ANKS1B: variants seen among roughly 807,000 people sequenced by gnomAD.
ANKS1B encodes ankyrin repeat and sterile alpha motif domain-containing protein 1B.
In ANKS1B, 36 loss-of-function variants were observed where a neutral mutation model predicts 148.3. The observed-to-expected ratio is 0.24, with a 90% CI of 0.19 to 0.32. The LOEUF is 0.32. Among genes scored for constraint, ANKS1B ranks in the 10% least tolerant of loss-of-function variants. The probability of loss-of-function intolerance (pLI) is 1.00; values close to 1 mark genes in which losing one functional copy is unlikely to be tolerated. For missense variants in ANKS1B, 1,157 were observed against 1,542.6 expected (o/e 0.75, Z 4.19); for synonymous variants, 542 against 560.8 (o/e 0.97, Z 0.47).
intron 6 of ANKS1B, among the ~76,000 whole-genome samples, chr12:99,778,182 AGAGT>A (rs2063873942): frequency 6.6e-6 from 1 of 151,462 alleles, no homozygotes; most frequent in Non-Finnish European, 1.5e-5. Flanking sequence ...CCTGGGTGAC[AGAGT>A]GAGACTCCCT....
At chr12:99,392,946 A>C (rs1192541777) in intron 12 of ANKS1B, among the ~76,000 whole-genome samples, 1 of 151,786 alleles carries the variant, frequency 6.6e-6, no homozygotes, top group Non-Finnish European at 1.5e-5. Flanking sequence ...AGATTTCCCC[A>C]TCTCCACTAA....
Position 99,726,341 on chromosome 12 carries a change from G to C in ANKS1B, c.1128+46581C>G, listed in dbSNP as rs191119900. On this transcript the variant is annotated intron_variant, in intron 8 of 26. Coordinates refer to ENST00000683438, the MANE Select transcript of ANKS1B (RefSeq NM_001352186.2). ...CACAGAAATACAAACTACCATCAGA[G>C]AATACTATAAACACCTCTATGCAAA... Among the ~76,000 whole-genome samples the C allele has an allele frequency of 9.9e-5, 15 of 152,236 alleles. No homozygotes were observed. In the East Asian group the frequency reaches 2.9e-3, roughly 29 times the overall value.
chr12:99,102,374 C>CAGCTGG (rs1170413345), intron 15 of ANKS1B, among the ~76,000 whole-genome samples: 1 of 152,072 alleles, frequency 6.6e-6, no homozygotes, highest in Admixed American at 6.6e-5. Context: ...ATGTGCAGCA[C>CAGCTGG]AGCTGGAGAA....
At chr12:99,788,936 T>G (rs1159616572) in intron 4 of ANKS1B, among the ~76,000 whole-genome samples, 1 of 152,130 alleles carries the variant, frequency 6.6e-6, no homozygotes, top group Non-Finnish European at 1.5e-5. Flanking sequence ...GAGTGCCAAT[T>G]TAGCTGCAGT....
At chr12:98,783,488 TATGAACAACATGCCTCCAG>T (rs1416662680) in intron 22 of ANKS1B, among the ~76,000 whole-genome samples, 1 of 152,130 alleles carries the variant, frequency 6.6e-6, no homozygotes, top group Non-Finnish European at 1.5e-5. Flanking sequence ...ACAGGAGCAA[TATGAACAACATGCCTCCAG>T]GATAGTGAAT....
At chr12:98,752,625 C>G (rs953112623) in intron 25 of ANKS1B, among the ~76,000 whole-genome samples, 1 of 152,116 alleles carries the variant, frequency 6.6e-6, no homozygotes, top group Non-Finnish European at 1.5e-5. Context: ...TTGGTTTACA[C>G]ACTGATAGGG....
At chr12:98,784,765 C>CA (rs1029216570) in intron 22 of ANKS1B, among the ~76,000 whole-genome samples, 6 of 151,462 alleles carry the variant, frequency 4.0e-5, no homozygotes, top group African/African-American at 7.3e-5. Context: ...CCAAGTTGAA[C>CA]AAAAAAAAGA....
At position 98,829,810 on chromosome 12, in the gene ANKS1B, C is replaced by A. The variant is rs146024532; in HGVS notation, c.2887-457G>T. Among the ~76,000 whole-genome samples the A allele has an allele frequency of 6.6e-6, 1 of 152,312 alleles. No individual in the cohort carries two copies. Among genetic ancestry groups the A allele is most frequent in the African/African-American group, 2.4e-5 (1 of 41,558 alleles). On this transcript the variant is annotated intron_variant, in intron 18 of 26. Transcript: ENST00000683438. The surrounding 1 kb of genome is among the most constrained non-coding windows in gnomAD (Gnocchi z 5.2). ...GGGTTGGGAAGAGGACACAGTACGG[C>A]AACACAGCATGTCACACGCACAGAC... is the stretch of plus-strand genomic sequence containing the variant.
chr12:99,716,820 C>T (rs2057393455), intron 8 of ANKS1B, among the ~76,000 whole-genome samples: 1 of 152,086 alleles, frequency 6.6e-6, no homozygotes, highest in African/African-American at 2.4e-5. Context: ...TCCTTTTCTA[C>T]AGACCCATCT....
chr12:99,338,068 G>A (rs757951337), intron 12 of ANKS1B, among the ~76,000 whole-genome samples: 1 of 152,150 alleles, frequency 6.6e-6, no homozygotes, highest in Non-Finnish European at 1.5e-5. Context: ...GTGTTCTTAA[G>A]TCAGAAGGCG....
rs148924140 is a variant in ANKS1B at position 98,802,791 on chromosome 12, T to C, written c.3142-1666A>G. 4.5e-4 allele frequency among the ~76,000 whole-genome samples: 69 copies of C among 152,012 alleles called. 1 individual carries two copies. Among genetic ancestry groups the C allele is most frequent in the African/African-American group, 1.4e-3 (59 of 41,484 alleles). ...TCTCTCCTGCTCTGTTCTCAGCCAC[T>C]CTCCACATTAGTTTTGTTTTCGTTG... On this transcript the variant is annotated intron_variant, in intron 20 of 26. Coordinates refer to ENST00000683438, the MANE Select transcript of ANKS1B (RefSeq NM_001352186.2).
chr12:98,832,207 TG>T (rs2099323422), intron 17 of ANKS1B, 71 bp from the exon 18 acceptor site: 1 of 1,248,156 alleles, frequency 8.0e-7, no homozygotes, highest in Non-Finnish European at 1.1e-6. Flanking sequence ...CTAAAACATG[TG>T]GGGTGAAAAA....
At chr12:99,936,034 G>T (rs1223447174) in intron 1 of ANKS1B, among the ~76,000 whole-genome samples, 1 of 152,132 alleles carries the variant, frequency 6.6e-6, no homozygotes, top group African/African-American at 2.4e-5. Context: ...AATGCCAGAT[G>T]TTTATAAAAT....
At chr12:99,621,605 T>C (rs1195163521) in intron 9 of ANKS1B, among the ~76,000 whole-genome samples, 2 of 151,982 alleles carry the variant, frequency 1.3e-5, no homozygotes, top group Non-Finnish European at 1.5e-5. Flanking sequence ...AGGGTCACTG[T>C]CTTTATATCA....
At chr12:99,174,388 T>G (rs2078133149) in intron 14 of ANKS1B, among the ~76,000 whole-genome samples, 1 of 152,246 alleles carries the variant, frequency 6.6e-6, no homozygotes, top group South Asian at 2.1e-4. Flanking sequence ...ATTGCGAGAT[T>G]ATAAAATGTA....
At position 99,269,232 on chromosome 12, in the gene ANKS1B, T is replaced by G. The variant is rs112578135; in HGVS notation, c.1757-22368A>C. Among the ~76,000 whole-genome samples, 569 of 152,362 alleles carry G rather than the reference T, an allele frequency of 3.7e-3. 3 individuals carry two copies. The highest frequency in any genetic ancestry group is 6.5e-3 in the Non-Finnish European group (441 of 68,034). ...AGTTTTGACTATGCAGTTTTCGTTTTATATCAAGCAAATACATTTTTTTAT... is the reference window on the plus strand; with the variant it reads ...AGTTTTGACTATGCAGTTTTCGTTTGATATCAAGCAAATACATTTTTTTAT... On this transcript the variant is annotated intron_variant, in intron 12 of 26. Transcript: ENST00000683438.
intron 11 of ANKS1B, among the ~76,000 whole-genome samples, chr12:99,418,043 C>T (rs1394256441): frequency 3.3e-5 from 5 of 152,182 alleles, no homozygotes; most frequent in African/African-American, 1.2e-4. Context: ...TAAGGGAGTT[C>T]ATTATCACTG....
chr12:99,116,257 G>A (rs1257199173), intron 15 of ANKS1B, among the ~76,000 whole-genome samples: 1 of 152,174 alleles, frequency 6.6e-6, no homozygotes. Flanking sequence ...TTCCTCATTG[G>A]TGCTACCTTG....
intron 16 of ANKS1B, among the ~76,000 whole-genome samples, chr12:99,070,217 C>A (rs1287071232): frequency 6.6e-6 from 1 of 152,052 alleles, no homozygotes; most frequent in East Asian, 1.9e-4. Context: ...CACAGAAGAC[C>A]AACCATCAGG....
Sources: allele counts gnomAD v4.1 joint callset (sites outside exome capture counted in the v4.1 genomes callset), GRCh38; gene constraint gnomAD v4.1.1; non-coding constraint Gnocchi (gnomAD v3.1); transcripts MANE v1.5; gene names NCBI Gene and HGNC (gene_info 2026-07-23, HGNC 2026-07-21).